Variants in MYCT1 observed in about 807,000 individuals in gnomAD.
MYCT1 encodes the protein MYC target 1, also known as myc target protein 1.
A neutral mutation model predicts 15.0 loss-of-function variants in MYCT1; 12 were observed. The observed-to-expected ratio is 0.80, with a 90% confidence interval of 0.51 to 1.29. MYCT1 has a LOEUF of 1.29. Ranked by LOEUF, MYCT1 falls within the 50% of genes most tolerant of loss-of-function variation. The probability of loss-of-function intolerance (pLI) is 0.00; values close to 1 mark genes in which losing one functional copy is unlikely to be tolerated. For missense variants in MYCT1, 287 were observed against 279.1 expected, an observed-to-expected ratio of 1.03 and a Z score of -0.20; for synonymous variants, 104 against 102.7, an observed-to-expected ratio of 1.01 and a Z score of -0.07.
Position 152,722,552 on chromosome 6 carries a change from A to G in MYCT1, c.*299A>G. The G allele has an allele frequency of 7.6e-6, 2 of 263,886 alleles. No homozygotes were observed. The highest frequency in any genetic ancestry group is 7.3e-6 in the Non-Finnish European group (1 of 137,864). 16.3% of individuals were successfully genotyped at this position (263,886 alleles called of 1,614,324 possible). On this transcript the variant is annotated 3_prime_UTR_variant, in exon 2 of 2. Coordinates refer to ENST00000367245, the MANE Select transcript of MYCT1 (RefSeq NM_025107.3). ...ATGTAAGAATCAGCTAAGATGCATTATATATATTTTAATTAAAATTAAAAC... is the reference window on the plus strand; with the variant it reads ...ATGTAAGAATCAGCTAAGATGCATTGTATATATTTTAATTAAAATTAAAAC...
chr6:152,726,090 C>T (rs1003263859), downstream of MYCT1, among the ~76,000 whole-genome samples: 2 of 134,892 alleles, frequency 1.5e-5, no homozygotes, highest in East Asian at 2.4e-4. Context: ...TAAATTCACC[C>T]GAGTACCAGT....
intron 1 of MYCT1, chr6:152,705,747 A>G: frequency 2.9e-6 from 1 of 349,728 alleles, no homozygotes; most frequent in Middle Eastern, 8.6e-4. Context: ...TCTTTGGTGT[A>G]TTCCAGCCTT....
At position 152,708,864 on chromosome 6, in the gene MYCT1, T is replaced by C. The variant is rs1373862064; in HGVS notation, c.196+10766T>C. ...TGAAAGAGTATTTATTTTTTTATTT[T>C]TTTTTTTATTATACTCTAAGTTTTA... On this transcript the variant is annotated intron_variant, in intron 1 of 1. Transcript: ENST00000367245. 9.7e-5 allele frequency among the ~76,000 whole-genome samples: 7 copies of C among 72,442 alleles called. 3 individuals are homozygous for C. The Middle Eastern group carries it at 0.019, about 202-fold the overall frequency. The allele number at this position is 72,442 out of a possible 152,430, so 47.5% of individuals were successfully genotyped here.
intron 1 of MYCT1, among the ~76,000 whole-genome samples, chr6:152,713,504 C>G (rs1218556582): frequency 6.6e-6 from 1 of 152,128 alleles, no homozygotes; most frequent in African/African-American, 2.4e-5. Context: ...CTATATTACC[C>G]TGAAGAGTGT....
intron 1 of MYCT1, among the ~76,000 whole-genome samples, chr6:152,714,626 A>G (rs915190764): frequency 4.6e-5 from 7 of 150,888 alleles, no homozygotes; most frequent in Admixed American, 6.6e-5. Context: ...AAAATTTTTA[A>G]CTTGTTAATT....
intron 1 of MYCT1, among the ~76,000 whole-genome samples, chr6:152,705,565 A>T (rs1312310741): frequency 6.6e-6 from 1 of 151,964 alleles, no homozygotes; most frequent in African/African-American, 2.4e-5. Context: ...CTGAGTAATA[A>T]CATTCCCTTA....
chr6:152,741,141 A>G, the MYCT1 span, among the ~76,000 whole-genome samples: 2 of 152,194 alleles, frequency 1.3e-5, no homozygotes, highest in Non-Finnish European at 2.9e-5. Context: ...TTTCCAGTCT[A>G]GGTAAAGTGA....
the MYCT1 span, among the ~76,000 whole-genome samples, chr6:152,743,010 C>T: frequency 0.013 from 1,964 of 152,138 alleles, 29 homozygotes; most frequent in African/African-American, 0.039. Context: ...ACAGAAAAAG[C>T]GGCTTTCTCT....
rs750945905 is a variant in MYCT1, at chr6:152,722,145, C to T, written c.600C>T (p.His200=). The T allele has an allele frequency of 1.9e-6, 3 of 1,614,178 alleles. No homozygotes were observed. The highest frequency in any genetic ancestry group is 4.5e-5 in the East Asian group (2 of 44,886). Residue 200 remains histidine (H), a synonymous_variant, in exon 2 of 2, where the codon CAC becomes CAT. Transcript: ENST00000367245. The part of the protein sequence containing the change: ...SNISPTISTS[H]SLSRPDYWSS... ...TCTCTCCCACCATCAGCACTTCCCACAGTCTGAGCCGTCCTGACTACTGGT... is the reference window on the plus strand; with the variant it reads ...TCTCTCCCACCATCAGCACTTCCCATAGTCTGAGCCGTCCTGACTACTGGT...
rs540441507 is a variant in MYCT1, at chr6:152,724,280, T to G, written c.*2027T>G. On this transcript the variant is annotated 3_prime_UTR_variant, in exon 2 of 2. Transcript: ENST00000367245. ...TGCATGTCATCCTTAATGTCTAACA[T>G]GAAAAATCAGCAAAGAGTATGGTTT... The G allele has an allele frequency of 6.7e-6, 1 of 150,188 alleles. No homozygotes were observed. The highest frequency in any genetic ancestry group is 1.9e-4 in the East Asian group (1 of 5,130). 9.3% of individuals were successfully genotyped at this position (150,188 alleles called of 1,614,324 possible). A position where few individuals can be genotyped will look rare whatever the true frequency, so the allele number is the denominator to read the frequency against.
the MYCT1 span, among the ~76,000 whole-genome samples, chr6:152,742,924 T>C: frequency 1.3e-5 from 2 of 152,206 alleles, no homozygotes; most frequent in Non-Finnish European, 2.9e-5. Context: ...ATGCCAAGAA[T>C]AGTCCTTGTG....
Position 152,724,489 on chromosome 6 carries a change from A to G in MYCT1, c.*2236A>G, listed in dbSNP as rs548680511. The G allele has an allele frequency of 2.0e-5, 3 of 152,336 alleles. No homozygotes were observed. In the South Asian group the frequency reaches 6.2e-4, roughly 32 times the overall value. 9.4% of individuals were successfully genotyped at this position (152,336 alleles called of 1,614,324 possible). A position where few individuals can be genotyped will look rare whatever the true frequency, so the allele number is the denominator to read the frequency against. On this transcript the variant is annotated 3_prime_UTR_variant, in exon 2 of 2. Transcript: ENST00000367245. ...GTGAGTGTATGAAATGTGAAATTAA[A>G]GCAAAAACTGGAGACTTTTAATGTA...
intron 1 of MYCT1, among the ~76,000 whole-genome samples, chr6:152,718,579 A>T (rs1184378551): frequency 6.6e-6 from 1 of 152,074 alleles, no homozygotes; most frequent in African/African-American, 2.4e-5. Flanking sequence ...ATTATTTTTC[A>T]TTGATTGTGT....
Position 152,708,532 on chromosome 6 carries a change from A to T in MYCT1, c.196+10434A>T, listed in dbSNP as rs973939594. Among the ~76,000 whole-genome samples the T allele has an allele frequency of 4.6e-5, 7 of 152,160 alleles. No individual in the cohort carries two copies. The South Asian group carries it at 1.5e-3, about 32-fold the overall frequency. On this transcript the variant is annotated intron_variant, in intron 1 of 1. Transcript: ENST00000367245. ...TGTCTCTAAAATCTCTTAAAAACTA[A>T]ATCAATCAATCAAGCTAATAGATTT...
intron 1 of MYCT1, among the ~76,000 whole-genome samples, chr6:152,714,915 G>C (rs927805173): frequency 6.6e-5 from 10 of 151,894 alleles, no homozygotes; most frequent in Admixed American, 2.0e-4. Context: ...TCCAACTTGG[G>C]ATTGATCTAT....
rs1385223763 is a variant in MYCT1, at chr6:152,722,035, G to A, written c.490G>A (p.Ala164Thr). Residue 164 changes from alanine to threonine, a missense_variant, in exon 2 of 2, where the codon GCT becomes ACT. Physicochemically the swap from Ala to Thr is moderately conservative, Grantham distance 58. Coordinates refer to ENST00000367245, the MANE Select transcript of MYCT1 (RefSeq NM_025107.3). ...NSFPRKSSFR[A>T]STFHPFLQCP... Reference sequence around the variant, plus strand: ...CTTTCCAAGAAAATCAAGTTTCAGAGCTTCTACTTTCCATCCCTTTCTGCA... The same window carrying A: ...CTTTCCAAGAAAATCAAGTTTCAGAACTTCTACTTTCCATCCCTTTCTGCA... 1.2e-6 allele frequency: 2 copies of A among 1,614,158 alleles called. No homozygotes were observed. Among genetic ancestry groups the A allele is most frequent in the Non-Finnish European group, 8.5e-7 (1 of 1,180,040 alleles).
chr6:152,732,615 A>G, the MYCT1 span, among the ~76,000 whole-genome samples: 2 of 152,350 alleles, frequency 1.3e-5, no homozygotes, highest in African/African-American at 4.8e-5. Context: ...TAATTTTGAA[A>G]TTAGTTTTTA....
At chr6:152,736,318 T>C in the MYCT1 span, among the ~76,000 whole-genome samples, 2 of 152,110 alleles carry the variant, frequency 1.3e-5, no homozygotes, top group African/African-American at 4.8e-5. Flanking sequence ...TTAGGATAAA[T>C]ACAGCAAGGA....
intron 1 of MYCT1, among the ~76,000 whole-genome samples, chr6:152,707,384 T>C (rs949311000): frequency 6.6e-6 from 1 of 152,064 alleles, no homozygotes; most frequent in Non-Finnish European, 1.5e-5. Context: ...TGTGTGAGCT[T>C]CTTATATACT....
Sources: gnomAD v4.1 joint callset for allele counts (sites outside exome capture counted in the v4.1 genomes callset) on GRCh38, gnomAD v4.1.1 for gene constraint, MANE v1.5 for transcripts, NCBI Gene and HGNC (gene_info 2026-07-23, HGNC 2026-07-21) for gene names.